Variants in SLC22A23 observed in about 807,000 individuals in gnomAD.
SLC22A23 encodes solute carrier family 22 member 23.
In SLC22A23, 26 loss-of-function variants were observed where a neutral mutation model predicts 61.0. The observed-to-expected ratio is 0.43, with a 90% confidence interval of 0.31 to 0.59. SLC22A23 has a LOEUF of 0.59. Among genes scored for constraint, SLC22A23 ranks in the 20% least tolerant of loss-of-function variants. The pLI is 0.11. For synonymous variants in SLC22A23, 430 were observed against 413.9 expected, an observed-to-expected ratio of 1.04 and a Z score of -0.47; for missense variants, 796 against 934.7, an observed-to-expected ratio of 0.85 and a Z score of 1.94.
At chr6:3,274,207 C>G (rs1758692696) in intron 9 of SLC22A23, among the ~76,000 whole-genome samples, 1 of 152,344 alleles carries the variant, frequency 6.6e-6, no homozygotes, top group Non-Finnish European at 1.5e-5. Flanking sequence ...TCAAACCTCT[C>G]CACTTTGACC....
intron 1 of SLC22A23, chr6:3,439,322 C>T (rs1288050328): frequency 2.2e-6 from 1 of 451,996 alleles, no homozygotes; most frequent in Non-Finnish European, 4.4e-6. Context: ...CAGAGAACTT[C>T]TTTTAAACGA....
intron 3 of SLC22A23, among the ~76,000 whole-genome samples, chr6:3,331,141 G>T (rs1356011799): frequency 6.6e-6 from 1 of 152,202 alleles, no homozygotes; most frequent in Non-Finnish European, 1.5e-5. Flanking sequence ...TTAAGGGACT[G>T]GTCCAAGATC....
rs1205556342 is a variant in SLC22A23, at chr6:3,439,690, C to T, written c.654+16216G>A. Among the ~76,000 whole-genome samples, 20 of 152,320 alleles carry T rather than the reference C, an allele frequency of 1.3e-4. 1 individual carries two copies. The highest frequency in any genetic ancestry group is 1.1e-3 in the Admixed American group (17 of 15,300). On this transcript the variant is annotated intron_variant, in intron 1 of 9. Coordinates refer to ENST00000406686, the MANE Select transcript of SLC22A23 (RefSeq NM_015482.2). ...CACTCAAATGAGAGCAAAACCCTTT[C>T]GCCACCTCCTTACTGGCACCATGCA...
intron 3 of SLC22A23, among the ~76,000 whole-genome samples, chr6:3,350,467 C>T (rs1316304): frequency 0.39 from 59,781 of 152,076 alleles, 13,370 homozygotes; most frequent in African/African-American, 0.61. Flanking sequence ...TCGACAAATG[C>T]GGCTTTTGTG....
At position 3,328,433 on chromosome 6, in the gene SLC22A23, G is replaced by A. The variant is rs186186115; in HGVS notation, c.914-4431C>T. 1.2e-3 allele frequency among the ~76,000 whole-genome samples: 182 copies of A among 152,244 alleles called. No homozygotes were observed. The highest frequency in any genetic ancestry group is 3.8e-3 in the African/African-American group (156 of 41,514). Reference sequence around the variant, plus strand: ...TCCCAGGGTAGACACTTTATGTGACGGAGGAGGAAGGCCTGAGGGAGTGGG... The same window carrying A: ...TCCCAGGGTAGACACTTTATGTGACAGAGGAGGAAGGCCTGAGGGAGTGGG... On this transcript the variant is annotated intron_variant, in intron 3 of 9. Coordinates refer to ENST00000406686, the MANE Select transcript of SLC22A23 (RefSeq NM_015482.2). This position sits in a 1 kb window ranked among gnomAD's most constrained non-coding sequence, Gnocchi z 5.0.
Position 3,268,978 on chromosome 6 carries a change from T to TA in SLC22A23, c.*4076dup, listed in dbSNP as rs1203028920. ...CAGGGCTATGGAGAGAAGAGTTTGG[T>TA]ATAAATACTTTATTAAAGAAATATT... On this transcript the variant is annotated 3_prime_UTR_variant, in exon 10 of 10. Transcript: ENST00000406686. 6.6e-6 allele frequency: 1 copy of TA among 152,340 alleles called. No individual in the cohort carries two copies. Among genetic ancestry groups the TA allele is most frequent in the Non-Finnish European group, 1.5e-5 (1 of 68,038 alleles). The allele number at this position is 152,340 out of a possible 1,614,324, so 9.4% of individuals were successfully genotyped here.
At chr6:3,437,113 A>G (rs17136541) in intron 1 of SLC22A23, among the ~76,000 whole-genome samples, 34,724 of 152,074 alleles carry the variant, frequency 0.23, 4,141 homozygotes, top group East Asian at 0.35. Context: ...CCACCCTCCC[A>G]TTGGTCACTT....
chr6:3,294,301 C>T (rs74631331), intron 5 of SLC22A23, among the ~76,000 whole-genome samples: 6,873 of 152,234 alleles, frequency 0.045, 546 homozygotes, highest in African/African-American at 0.16. Context: ...CATTGAGTTA[C>T]ATTACTACCA....
rs1310903018 is a variant in SLC22A23 at position 3,454,268 on chromosome 6, G to A, written c.654+1638C>T. The stretch of plus-strand genomic sequence containing the variant: ...CCCAGCTCTCCAATATGCCTCCATA[G>A]TCTGCTTTTAAGAACTATTTTTGTT... On this transcript the variant is annotated intron_variant, in intron 1 of 9. Transcript: ENST00000406686. The surrounding 1 kb of genome is among the most constrained non-coding windows in gnomAD (Gnocchi z 4.3). 6.6e-6 allele frequency among the ~76,000 whole-genome samples: 1 copy of A among 152,154 alleles called. No individual in the cohort carries two copies. The highest frequency in any genetic ancestry group is 1.9e-4 in the East Asian group (1 of 5,186).
chr6:3,373,713 C>T (rs2127465853), intron 3 of SLC22A23, among the ~76,000 whole-genome samples: 2 of 152,308 alleles, frequency 1.3e-5, no homozygotes, highest in Admixed American at 1.3e-4. Context: ...GCAGCAGCAA[C>T]AGCAGGTCAC....
At chr6:3,412,208 G>A (rs923192171) in intron 2 of SLC22A23, among the ~76,000 whole-genome samples, 1 of 152,170 alleles carries the variant, frequency 6.6e-6, no homozygotes, top group South Asian at 2.1e-4. Flanking sequence ...AAAGATGTTC[G>A]ATTTTTTTAA....
chr6:3,396,797 T>C (rs140353042), intron 3 of SLC22A23, among the ~76,000 whole-genome samples: 378 of 152,154 alleles, frequency 2.5e-3, no homozygotes, highest in African/African-American at 8.0e-3. Context: ...GGAAAACCCA[T>C]CTCCCTTCTG....
At chr6:3,376,065 C>T (rs552471531) in intron 3 of SLC22A23, among the ~76,000 whole-genome samples, 18 of 152,302 alleles carry the variant, frequency 1.2e-4, no homozygotes, top group African/African-American at 3.6e-4. Flanking sequence ...TGGAAAAACA[C>T]ATTGCTTTTC....
rs1766256423 is a variant in SLC22A23, at chr6:3,372,102, A to C, written c.913+38086T>G. On this transcript the variant is annotated intron_variant, in intron 3 of 9. Transcript: ENST00000406686. The surrounding 1 kb of genome is among the most constrained non-coding windows in gnomAD (Gnocchi z 4.7). ...CCTAGCCCATGCTTAAACAGCTAGA[A>C]GCATCCGTGCTGAGGCCATGAACCT... Among the ~76,000 whole-genome samples the C allele has an allele frequency of 6.6e-6, 1 of 152,350 alleles. No individual in the cohort carries two copies. The highest frequency in any genetic ancestry group is 1.9e-4 in the East Asian group (1 of 5,180).
At chr6:3,335,459 A>G (rs980279710) in intron 3 of SLC22A23, among the ~76,000 whole-genome samples, 8 of 152,198 alleles carry the variant, frequency 5.3e-5, no homozygotes, top group Non-Finnish European at 1.0e-4. Context: ...AGTCCTGCAC[A>G]GGGAATTTAG....
intron 3 of SLC22A23, among the ~76,000 whole-genome samples, chr6:3,340,662 T>C (rs1764101186): frequency 6.6e-6 from 1 of 152,100 alleles, no homozygotes; most frequent in South Asian, 2.1e-4. Flanking sequence ...CAGGAGACAA[T>C]TGCCGTAGCA....
intron 1 of SLC22A23, among the ~76,000 whole-genome samples, chr6:3,429,596 T>C (rs1013211472): frequency 6.6e-6 from 1 of 152,194 alleles, no homozygotes; most frequent in Non-Finnish European, 1.5e-5. Flanking sequence ...TACAAAGATA[T>C]GTACACCCAT....
At chr6:3,439,097 GC>G (rs1771413486) in intron 1 of SLC22A23, among the ~76,000 whole-genome samples, 1 of 152,138 alleles carries the variant, frequency 6.6e-6, no homozygotes. Context: ...TCTCAAACTT[GC>G]CGTATTTGGG....
intron 1 of SLC22A23, among the ~76,000 whole-genome samples, chr6:3,439,773 G>C (rs1164374407): frequency 6.6e-6 from 1 of 152,164 alleles, no homozygotes; most frequent in Non-Finnish European, 1.5e-5. Flanking sequence ...ATTCAGGCCA[G>C]GACAGCAGGG....
Sources: allele counts gnomAD v4.1 joint callset (sites outside exome capture counted in the v4.1 genomes callset), GRCh38; gene constraint gnomAD v4.1.1; non-coding constraint Gnocchi (gnomAD v3.1); transcripts MANE v1.5; gene names NCBI Gene and HGNC (gene_info 2026-07-23, HGNC 2026-07-21).